RAD51B: variants seen among roughly 807,000 people sequenced by gnomAD.
The protein encoded by RAD51B is DNA repair protein RAD51 homolog 2.
A neutral mutation model predicts 42.2 loss-of-function variants in RAD51B; 38 were observed. That is an observed-to-expected ratio of 0.90 (90% CI 0.70 to 1.18). The LOEUF (loss-of-function observed/expected upper bound fraction) is 1.18, where lower values mean the gene tolerates loss of function less well. Among genes scored for constraint, RAD51B ranks in the 50% most tolerant of loss-of-function variants. The pLI is 0.00. For synonymous variants in RAD51B, 154 were observed against 145.2 expected (o/e 1.06, Z -0.43); for missense variants, 373 against 400.7 (o/e 0.93, Z 0.59).
chr14:68,025,661 T>C (rs1173082646), intron 7 of RAD51B, among the ~76,000 whole-genome samples: 1 of 152,028 alleles, frequency 6.6e-6, no homozygotes, highest in East Asian at 1.9e-4. Context: ...TTAGTATGCA[T>C]AGAGTTGTTC....
At position 68,529,558 on chromosome 14, in the gene RAD51B, CA is replaced by C. The variant is rs954971999; in HGVS notation, c.1036+61310del. Reference sequence around the variant, plus strand: ...GGCAGGAGAAATAATCACAGCCCAGCAACCAGAAGCTAGGATGCTTTCACTA... The same window carrying C: ...GGCAGGAGAAATAATCACAGCCCAGCACCAGAAGCTAGGATGCTTTCACTA... On this transcript the variant is annotated intron_variant, in intron 10 of 10. Transcript: ENST00000487270. Among the ~76,000 whole-genome samples the C allele has an allele frequency of 2.7e-4, 41 of 152,166 alleles. 1 individual carries two copies. The highest frequency in any genetic ancestry group is 4.4e-5 in the Non-Finnish European group (3 of 68,010).
At chr14:68,364,364 C>T (rs1000160329) in intron 8 of RAD51B, among the ~76,000 whole-genome samples, 18 of 152,176 alleles carry the variant, frequency 1.2e-4, no homozygotes, top group Non-Finnish European at 1.9e-4. Flanking sequence ...GGGCGAGCAG[C>T]AGGATATCTA....
chr14:68,342,149 T>C (rs1378628693), intron 8 of RAD51B, among the ~76,000 whole-genome samples: 1 of 152,248 alleles, frequency 6.6e-6, no homozygotes, highest in African/African-American at 2.4e-5. Context: ...AGAAATAGGA[T>C]GTGAACACTT....
downstream of RAD51B, among the ~76,000 whole-genome samples, chr14:68,612,210 C>T (rs1032135554): frequency 6.6e-6 from 1 of 152,202 alleles, no homozygotes; most frequent in Non-Finnish European, 1.5e-5. Context: ...CTTTCACTTG[C>T]GTGGGAAGTC....
At chr14:68,450,466 G>T (rs1390184203) in intron 9 of RAD51B, among the ~76,000 whole-genome samples, 1 of 152,108 alleles carries the variant, frequency 6.6e-6, no homozygotes, top group Non-Finnish European at 1.5e-5. Context: ...TGATCCACCC[G>T]CCTTGGCCGC....
intron 7 of RAD51B, among the ~76,000 whole-genome samples, chr14:67,946,220 A>G (rs569885277): frequency 9.2e-5 from 14 of 152,352 alleles, no homozygotes; most frequent in African/African-American, 2.6e-4. Flanking sequence ...AATCAGATAA[A>G]TGATTATTTT....
intron 7 of RAD51B, among the ~76,000 whole-genome samples, chr14:68,039,699 G>A (rs903149261): frequency 1.3e-5 from 2 of 152,196 alleles, no homozygotes; most frequent in African/African-American, 4.8e-5. Flanking sequence ...GACATTAGAT[G>A]CTACATACAT....
chr14:68,682,935 AG>A, intron 11 of RAD51B: 1 of 411,136 alleles, frequency 2.4e-6, no homozygotes, highest in Non-Finnish European at 2.9e-6. Context: ...TTTTTTGTAT[AG>A]GGCAGTAAAC....
chr14:68,271,379 CT>C (rs1160641388), intron 7 of RAD51B, among the ~76,000 whole-genome samples: 2 of 152,170 alleles, frequency 1.3e-5, no homozygotes, highest in African/African-American at 4.8e-5. Flanking sequence ...TAAAACAAGC[CT>C]GGGTTTGAAT....
chr14:68,172,397 C>T (rs1489536018), intron 7 of RAD51B, among the ~76,000 whole-genome samples: 1 of 152,146 alleles, frequency 6.6e-6, no homozygotes, highest in African/African-American at 2.4e-5. Context: ...TAGCCAGGGC[C>T]CAATTCATAA....
At chr14:68,384,435 C>A (rs1384604856) in intron 8 of RAD51B, among the ~76,000 whole-genome samples, 1 of 152,118 alleles carries the variant, frequency 6.6e-6, no homozygotes, top group Non-Finnish European at 1.5e-5. Context: ...AAGCAATGAC[C>A]ATTGGAAAAG....
chr14:68,257,822 C>T (rs1234641668), intron 7 of RAD51B, among the ~76,000 whole-genome samples: 1 of 151,892 alleles, frequency 6.6e-6, no homozygotes, highest in African/African-American at 2.4e-5. Context: ...AAGTGGAGTC[C>T]ATGTCATTTA....
At chr14:68,199,092 T>C (rs2079431538) in intron 7 of RAD51B, among the ~76,000 whole-genome samples, 1 of 152,232 alleles carries the variant, frequency 6.6e-6, no homozygotes, top group South Asian at 2.1e-4. Context: ...CTAGTTTCTC[T>C]ACTTATTCCT....
At position 68,630,796 on chromosome 14, in the gene RAD51B, C is replaced by T. The variant is rs150273340; in HGVS notation, c.1037-19985C>T. On this transcript the variant is annotated intron_variant, in intron 10 of 11. Coordinates refer to the RAD51B transcript ENST00000488612. Reference sequence around the variant, plus strand: ...CCTTGAACCAACCCCTGGTTTCAAGCTCTCCCAGGCTGGCAGATGAAGGAA... The same window carrying T: ...CCTTGAACCAACCCCTGGTTTCAAGTTCTCCCAGGCTGGCAGATGAAGGAA... 7.6e-4 allele frequency among the ~76,000 whole-genome samples: 116 copies of T among 152,318 alleles called. 2 individuals carry two copies. In the East Asian group the frequency reaches 0.021, roughly 28 times the overall value.
At chr14:68,036,835 G>GT (rs1237102075) in intron 7 of RAD51B, among the ~76,000 whole-genome samples, 2 of 151,770 alleles carry the variant, frequency 1.3e-5, no homozygotes, top group East Asian at 1.9e-4. Flanking sequence ...TTGCTATAAA[G>GT]TTTTTTAAAA....
intron 9 of RAD51B, among the ~76,000 whole-genome samples, chr14:68,459,866 CCAGGT>C (rs139056056): frequency 0.015 from 2,221 of 152,252 alleles, 56 homozygotes; most frequent in African/African-American, 0.05. Flanking sequence ...TTTTCCTCTG[CCAGGT>C]CATTTCACTC....
intron 7 of RAD51B, among the ~76,000 whole-genome samples, chr14:68,231,885 C>T (rs2080157135): frequency 6.6e-6 from 1 of 152,028 alleles, no homozygotes; most frequent in South Asian, 2.1e-4. Context: ...TCTTGCTGAA[C>T]TTATTATTGA....
At chr14:67,942,427 G>A (rs1011742739) in intron 7 of RAD51B, among the ~76,000 whole-genome samples, 1 of 152,160 alleles carries the variant, frequency 6.6e-6, no homozygotes, top group African/African-American at 2.4e-5. Flanking sequence ...TTCAGCTAGA[G>A]AGAGGTTAAT....
chr14:67,990,089 C>T (rs942142532), intron 7 of RAD51B, among the ~76,000 whole-genome samples: 1 of 150,378 alleles, frequency 6.6e-6, no homozygotes, highest in Non-Finnish European at 1.5e-5. Context: ...CCTCTACCTC[C>T]TGTGTTCAAG....
Sources: gnomAD v4.1 joint callset for allele counts (sites outside exome capture counted in the v4.1 genomes callset) on GRCh38, gnomAD v4.1.1 for gene constraint, MANE v1.5 for transcripts, NCBI Gene and HGNC (gene_info 2026-07-23, HGNC 2026-07-21) for gene names.